The following CEACAM19 variants were observed in gnomAD, a reference collection of about 807,000 sequenced individuals.
CEACAM19 encodes cell adhesion molecule CEACAM19.
Under a neutral mutation model 37.6 loss-of-function variants are expected in CEACAM19, and 37 were observed. The ratio of observed to expected loss-of-function variants is 0.98; its 90% CI spans 0.76 to 1.29. CEACAM19 has a LOEUF of 1.29. Among genes scored for constraint, CEACAM19 ranks in the 50% most tolerant of loss-of-function variants. The pLI is 0.00. For synonymous variants in CEACAM19, 140 were observed against 149.8 expected (o/e 0.93, Z 0.48); for missense variants, 340 against 375.6 (o/e 0.91, Z 0.78).
chr19:44,682,486 G>A, intron 6 of CEACAM19, 81 bp from the exon 7 acceptor site: 1 of 1,407,680 alleles, frequency 7.1e-7, no homozygotes. Flanking sequence ...CTTGGAATCT[G>A]AGACTGTCCT....
chr19:44,683,067 T>C (rs1974092820), intron 7 of CEACAM19: 2 of 250,788 alleles, frequency 8.0e-6, no homozygotes, highest in Non-Finnish European at 1.5e-5. Flanking sequence ...TCTCTCTCTC[T>C]CTCTCTCTCT....
chr19:44,675,021 A>G (rs950718872), intron 2 of CEACAM19, among the ~76,000 whole-genome samples: 4 of 151,578 alleles, frequency 2.6e-5, no homozygotes, highest in South Asian at 2.1e-4. Context: ...AAGTCAATTT[A>G]CTGTTCCATG....
chr19:44,679,487 C>T (rs1397645065), intron 4 of CEACAM19, among the ~76,000 whole-genome samples: 6 of 151,918 alleles, frequency 3.9e-5, no homozygotes, highest in Non-Finnish European at 8.8e-5. Flanking sequence ...TGGTGCCTCA[C>T]GCCTGTAATC....
chr19:44,672,038 C>G (rs777406570), intron 1 of CEACAM19, 52 bp downstream of exon 1: 83 of 1,464,196 alleles, frequency 5.7e-5, no homozygotes, highest in Non-Finnish European at 7.6e-5. Context: ...GGACTCAGCC[C>G]AGAGATTGAA....
At position 44,676,428 on chromosome 19, in the gene CEACAM19, G is replaced by A. The variant is rs768543807; in HGVS notation, c.575+7G>A. 1 of 1,613,830 alleles carries A rather than the reference G, an allele frequency of 6.2e-7. No individual in the cohort carries two copies. Among genetic ancestry groups the A allele is most frequent in the Non-Finnish European group, 8.5e-7 (1 of 1,179,918 alleles). ...GGAGGGGCCAGAGCCACAGGTACAG[G>A]GTCCCCAAGTGTCCCTCTCCTGTCT... On this transcript the variant is annotated splice_region_variant and intron_variant, in intron 3 of 7. Coordinates refer to ENST00000358777, the MANE Select transcript of CEACAM19 (RefSeq NM_001127893.3).
chr19:44,680,021 C>G (rs985126480), intron 4 of CEACAM19, among the ~76,000 whole-genome samples: 1 of 152,144 alleles, frequency 6.6e-6, no homozygotes, highest in Non-Finnish European at 1.5e-5. Flanking sequence ...GTGGATGAAG[C>G]AGGATCATTT....
upstream of CEACAM19, among the ~76,000 whole-genome samples, chr19:44,670,781 G>GAAAAAAAAAAAAA (rs74691226): frequency 1.7e-5 from 1 of 58,156 alleles, no homozygotes; most frequent in Non-Finnish European, 4.9e-5. Flanking sequence ...CCTGTCTCAA[G>GAAAAAAAAAAAAA]AAAAAAAAAA....
At chr19:44,681,999 G>A (rs894178657) in intron 6 of CEACAM19, among the ~76,000 whole-genome samples, 1 of 151,636 alleles carries the variant, frequency 6.6e-6, no homozygotes, top group African/African-American at 2.4e-5. Context: ...CTCTACACCT[G>A]TAAATCCCAA....
chr19:44,683,535 C>T lies in CEACAM19; in HGVS notation c.*45C>T, dbSNP rs1974104112. 6.1e-6 allele frequency: 8 copies of T among 1,310,042 alleles called. No individual in the cohort carries two copies. The highest frequency in any genetic ancestry group is 1.5e-5 in the African/African-American group (1 of 67,378). 81.2% of individuals were successfully genotyped at this position (1,310,042 alleles called of 1,614,324 possible). On this transcript the variant is annotated 3_prime_UTR_variant, in exon 8 of 8. Transcript: ENST00000358777. Reference sequence around the variant, plus strand: ...GCCAGGGAGAAGACAAGGCCCCAGCCCTCCTCTGGGAGCCTCACACCTGAG... The same window carrying T: ...GCCAGGGAGAAGACAAGGCCCCAGCTCTCCTCTGGGAGCCTCACACCTGAG...
intron 7 of CEACAM19, chr19:44,683,055 ACT>A (rs3028346): frequency 0.2 from 29,438 of 148,816 alleles, 2,927 homozygotes; most frequent in African/African-American, 0.39. Flanking sequence ...CCTTTCTTGG[ACT>A]CTCTCTCTCT....
rs370973463 is a variant in CEACAM19, at chr19:44,676,436, A to G, written c.575+15A>G. 53 of 1,613,530 alleles carry G rather than the reference A, an allele frequency of 3.3e-5. No homozygotes were observed. In the African/African-American group the frequency reaches 6.3e-4, roughly 19 times the overall value. On this transcript the variant is annotated intron_variant, in intron 3 of 7. Coordinates refer to ENST00000358777, the MANE Select transcript of CEACAM19 (RefSeq NM_001127893.3). ...CAGAGCCACAGGTACAGGGTCCCCAAGTGTCCCTCTCCTGTCTGCTCCCAC... is the reference window on the plus strand; with the variant it reads ...CAGAGCCACAGGTACAGGGTCCCCAGGTGTCCCTCTCCTGTCTGCTCCCAC...
At position 44,671,994 on chromosome 19, in the gene CEACAM19, G is replaced by C. The variant is rs1973863625; in HGVS notation, c.55+8G>C. On this transcript the variant is annotated splice_region_variant and intron_variant, in intron 1 of 7. Coordinates refer to ENST00000358777, the MANE Select transcript of CEACAM19 (RefSeq NM_001127893.3). ...AGAGCCTCCTGCTCTCAGGTAAGGA[G>C]GAAATAGACCCTAAAGGCCAAGGGG... The C allele has an allele frequency of 6.2e-7, 1 of 1,600,378 alleles. No homozygotes were observed. Among genetic ancestry groups the C allele is most frequent in the African/African-American group, 1.3e-5 (1 of 74,742 alleles).
chr19:44,671,400 G>A (rs768977309), upstream of CEACAM19: 17 of 352,816 alleles, frequency 4.8e-5, no homozygotes, highest in South Asian at 3.0e-4. Flanking sequence ...GATTACAGGC[G>A]TGAGCCACCG....
At chr19:44,668,131 TATATA>T (rs1237665417), upstream of CEACAM19, among the ~76,000 whole-genome samples, 13 of 87,524 alleles carry the variant, frequency 1.5e-4, no homozygotes, top group Admixed American at 4.4e-4. Flanking sequence ...TATATATTTT[TATATA>T]ATATATTATA....
chr19:44,672,922 T>C lies in CEACAM19; in HGVS notation c.382T>C (p.Ser128Pro). Residue 128 changes from serine to proline, a missense_variant, in exon 2 of 8, where the codon TCT becomes CCT. Physicochemically the swap from Ser to Pro is moderately conservative, Grantham distance 74 (BLOSUM62 -1). Transcript: ENST00000358777. ...GTYQVAITINSEWTMKAKTEV... is the reference protein window; with the variant it reads ...GTYQVAITINPEWTMKAKTEV... ...CTACCAAGTAGCCATTACCATCAAC[T>C]CTGAATGGACTATGAAGGCCAAGAC... 2 of 1,533,662 alleles carry C rather than the reference T, an allele frequency of 1.3e-6. No individual in the cohort carries two copies. The highest frequency in any genetic ancestry group is 2.5e-5 in the South Asian group (2 of 79,076).
intron 2 of CEACAM19, 28 bp from the exon 3 acceptor site, chr19:44,676,243 C>A (rs748376223): frequency 6.2e-7 from 1 of 1,611,178 alleles, no homozygotes; most frequent in South Asian, 1.1e-5. Context: ...ACAGTCCCCC[C>A]TCTCTCTTTC....
chr19:44,679,029 G>A, intron 4 of CEACAM19, 93 bp downstream of exon 4: 1 of 1,545,310 alleles, frequency 6.5e-7, no homozygotes, highest in Non-Finnish European at 8.7e-7. Flanking sequence ...GTCTCACTCT[G>A]TTGCCAAGGT....
At chr19:44,677,798 C>G (rs1210203074) in intron 3 of CEACAM19, 2 of 152,012 alleles carry the variant, frequency 1.3e-5, no homozygotes, top group African/African-American at 4.8e-5. Context: ...GCCTCAGCCT[C>G]CCAAGTAGCT....
Position 44,680,291 on chromosome 19 carries a change from G to A in CEACAM19, c.663G>A (p.Met221Ile). The A allele has an allele frequency of 3.7e-6, 6 of 1,604,452 alleles. No individual in the cohort carries two copies. The South Asian group carries it at 5.5e-5, about 15-fold the overall frequency. ...PVPSVTPSTW[M>I]ATTEKPELGP... ...AATTCCCTCTATGTGTCCCCAGGAT[G>A]GCGACCACAGAGAAGCCAGAATTGG... Residue 221 changes from methionine (M) to isoleucine (I), a missense_variant, in exon 5 of 8, where the codon ATG becomes ATA. Met to Ile is a conservative substitution (Grantham distance 10). Transcript: ENST00000358777.
Sources: gnomAD v4.1 joint callset for allele counts (sites outside exome capture counted in the v4.1 genomes callset) on GRCh38, gnomAD v4.1.1 for gene constraint, MANE v1.5 for transcripts, NCBI Gene and HGNC (gene_info 2026-07-23, HGNC 2026-07-21) for gene names.